SLC35B4: variants seen among roughly 807,000 people sequenced by gnomAD.
The protein encoded by SLC35B4 is nucleotide sugar transporter SLC35B4.
SLC35B4 carries 28 observed loss-of-function variants against 39.5 expected under a neutral mutation model. That is an observed-to-expected ratio of 0.71 (90% CI 0.53 to 0.97). The LOEUF (loss-of-function observed/expected upper bound fraction) is 0.97, where lower values mean the gene tolerates loss of function less well. SLC35B4 is among the 50% of genes least tolerant of loss of function. SLC35B4 has a pLI of 0.00. For missense variants in SLC35B4, 334 were observed against 414.3 expected (o/e 0.81, Z 1.68); for synonymous variants, 145 against 150.4 (o/e 0.96, Z 0.26).
intron 7 of SLC35B4, 39 bp downstream of exon 7, chr7:134,300,111 CTT>C: frequency 7.3e-7 from 1 of 1,370,042 alleles, no homozygotes; most frequent in South Asian, 1.2e-5. Context: ...CATTTTACAA[CTT>C]AGGAATTTTC....
chr7:134,309,347 A>C lies in SLC35B4; in HGVS notation c.191+19T>G, dbSNP rs1312296004. 4 of 1,515,764 alleles carry C rather than the reference A, an allele frequency of 2.6e-6. No homozygotes were observed. The highest frequency in any genetic ancestry group is 2.7e-6 in the Non-Finnish European group (3 of 1,116,838). The allele number at this position is 1,515,764 out of a possible 1,614,324, so 93.9% of individuals were successfully genotyped here. On this transcript the variant is annotated intron_variant, in intron 2 of 9. Coordinates refer to ENST00000378509, the MANE Select transcript of SLC35B4 (RefSeq NM_032826.5). ...TCTTAAAAAATCCAAAAGCTAAAAG[A>C]GACTCTAATGTACCATACCTTATTG...
chr7:134,319,255 C>T (rs767891770), upstream of SLC35B4, among the ~76,000 whole-genome samples: 43 of 152,312 alleles, frequency 2.8e-4, no homozygotes, highest in Non-Finnish European at 4.7e-4. Flanking sequence ...CTGATCAATG[C>T]CAGGGTATTA....
chr7:134,301,391 G>A (rs1585637397), intron 6 of SLC35B4, among the ~76,000 whole-genome samples: 2 of 152,278 alleles, frequency 1.3e-5, no homozygotes, highest in South Asian at 4.1e-4. Context: ...GAGTCCCTCG[G>A]AAATTTAAAG....
In SLC35B4 at chr7:134,290,836, T is replaced by C. The variant is rs1803316081; in HGVS notation, c.*3997A>G. 5 of 152,188 alleles carry C rather than the reference T, an allele frequency of 3.3e-5. No homozygotes were observed. 9.4% of individuals were successfully genotyped at this position (152,188 alleles called of 1,614,324 possible). ...AAGGGTGGAATGACTTATAATGCTA[T>C]TTACTCCAGGCAAAGAGAAAATACA... is the stretch of plus-strand genomic sequence containing the variant. On this transcript the variant is annotated 3_prime_UTR_variant, in exon 10 of 10. Transcript: ENST00000378509.
chr7:134,293,632 C>T lies in SLC35B4; in HGVS notation c.*1201G>A, dbSNP rs1235975396. 2 of 152,148 alleles carry T rather than the reference C, an allele frequency of 1.3e-5. No individual in the cohort carries two copies. The highest frequency in any genetic ancestry group is 3.9e-4 in the East Asian group (2 of 5,170). The allele number at this position is 152,148 out of a possible 1,614,324, so 9.4% of individuals were successfully genotyped here. ...AGAGGGGAATCTCCTGGTGGTGAAG[C>T]CTTATCCTCCCACTTGAGACCCACC... On this transcript the variant is annotated 3_prime_UTR_variant, in exon 10 of 10. Transcript: ENST00000378509.
chr7:134,302,566 C>T (rs1803608576), intron 4 of SLC35B4, among the ~76,000 whole-genome samples: 1 of 152,110 alleles, frequency 6.6e-6, no homozygotes, highest in Non-Finnish European at 1.5e-5. Context: ...GAAAATAATC[C>T]AATCATCCAT....
In SLC35B4 at chr7:134,316,760, C is replaced by G. The variant is rs1284431279; in HGVS notation, c.-9G>C. The stretch of plus-strand genomic sequence containing the variant: ...GCCAAGGCCGGGCGCATGGCCGGTG[C>G]AGGGTTGGGGAAGCAAGCGCACAGA... On this transcript the variant is annotated 5_prime_UTR_variant, in exon 1 of 10. Transcript: ENST00000378509. 1 of 1,546,516 alleles carries G rather than the reference C, an allele frequency of 6.5e-7. No homozygotes were observed. Among genetic ancestry groups the G allele is most frequent in the East Asian group, 2.4e-5 (1 of 40,912 alleles).
rs1320458427 is a variant in SLC35B4, at chr7:134,293,513, C to T, written c.*1320G>A. 4 of 152,226 alleles carry T rather than the reference C, an allele frequency of 2.6e-5. No homozygotes were observed. Among genetic ancestry groups the T allele is most frequent in the African/African-American group, 9.6e-5 (4 of 41,456 alleles). 9.4% of individuals were successfully genotyped at this position (152,226 alleles called of 1,614,324 possible). Reference sequence around the variant, plus strand: ...TAGGACAATAACAACTTTCAATTGTCGTTGAGGTTTGACCTGATTTACACA... The same window carrying T: ...TAGGACAATAACAACTTTCAATTGTTGTTGAGGTTTGACCTGATTTACACA... On this transcript the variant is annotated 3_prime_UTR_variant, in exon 10 of 10. Coordinates refer to ENST00000378509, the MANE Select transcript of SLC35B4 (RefSeq NM_032826.5).
rs1309686655 is a variant in SLC35B4, at chr7:134,292,841, C to A, written c.*1992G>T. The A allele has an allele frequency of 6.6e-6, 1 of 152,084 alleles. No homozygotes were observed. The highest frequency in any genetic ancestry group is 1.5e-5 in the Non-Finnish European group (1 of 68,018). The allele number at this position is 152,084 out of a possible 1,614,324, so 9.4% of individuals were successfully genotyped here. ...CTAATTCAGCATCCTTCAGAAGAGC[C>A]CATTACTGGCTCTAGAAAGCTGTCA... On this transcript the variant is annotated 3_prime_UTR_variant, in exon 10 of 10. Coordinates refer to ENST00000378509, the MANE Select transcript of SLC35B4 (RefSeq NM_032826.5).
upstream of SLC35B4, among the ~76,000 whole-genome samples, chr7:134,319,359 A>G (rs576535741): frequency 6.2e-4 from 94 of 152,332 alleles, 1 homozygote; most frequent in Middle Eastern, 3.4e-3. Flanking sequence ...GCTTTTTACA[A>G]TGAAAACCCA....
intron 9 of SLC35B4, among the ~76,000 whole-genome samples, chr7:134,295,738 C>T (rs1803452225): frequency 6.6e-6 from 1 of 152,016 alleles, no homozygotes; most frequent in South Asian, 2.1e-4. Flanking sequence ...AAATTTCTTT[C>T]AGGACTTTGC....
chr7:134,311,814 G>A (rs886465645), intron 1 of SLC35B4, among the ~76,000 whole-genome samples: 5 of 152,178 alleles, frequency 3.3e-5, no homozygotes, highest in Non-Finnish European at 7.3e-5. Flanking sequence ...ACCAGTCAAG[G>A]TGCAGGGAAA....
At chr7:134,299,467 C>A in intron 8 of SLC35B4, 56 bp downstream of exon 8, 1 of 1,423,190 alleles carries the variant, frequency 7.0e-7, no homozygotes, top group Non-Finnish European at 9.9e-7. Flanking sequence ...AAGAGTAAAA[C>A]TGAGACTCTG....
rs374089663 is a variant in SLC35B4, at chr7:134,311,454, G to A, written c.78-1975C>T. On this transcript the variant is annotated intron_variant, in intron 1 of 9. Coordinates refer to ENST00000378509, the MANE Select transcript of SLC35B4 (RefSeq NM_032826.5). The stretch of plus-strand genomic sequence containing the variant: ...GTGGATCACCTGAGGTCAGGAGTTC[G>A]AGACCAGCTTGGCCAACATGGTGAA... Among the ~76,000 whole-genome samples, 16 of 152,268 alleles carry A rather than the reference G, an allele frequency of 1.1e-4. 1 individual carries two copies. In the East Asian group the frequency reaches 1.7e-3, roughly 17 times the overall value.
chr7:134,318,054 A>G (rs1804030745), upstream of SLC35B4, among the ~76,000 whole-genome samples: 1 of 148,480 alleles, frequency 6.7e-6, no homozygotes, highest in African/African-American at 2.5e-5. Flanking sequence ...CCTGTGAGAC[A>G]CGAACATTCT....
chr7:134,289,643 T>C lies in SLC35B4; in HGVS notation c.*5190A>G, dbSNP rs906867768. ...AAAATCATCATCTTTTTTTGGAGAA[T>C]GAGGCCATTCTCTGGAATGAAAGCA... On this transcript the variant is annotated 3_prime_UTR_variant, in exon 10 of 10. Coordinates refer to ENST00000378509, the MANE Select transcript of SLC35B4 (RefSeq NM_032826.5). 3.3e-5 allele frequency: 5 copies of C among 152,582 alleles called. No homozygotes were observed. 9.5% of individuals were successfully genotyped at this position (152,582 alleles called of 1,614,324 possible). A position where few individuals can be genotyped will look rare whatever the true frequency, so the allele number is the denominator to read the frequency against.
At chr7:134,318,466 TAC>T (rs560147523), upstream of SLC35B4, among the ~76,000 whole-genome samples, 8 of 114,960 alleles carry the variant, frequency 7.0e-5, no homozygotes, top group East Asian at 1.3e-3. Context: ...TACACATATA[TAC>T]ACACACACAT....
intron 8 of SLC35B4, among the ~76,000 whole-genome samples, chr7:134,298,313 G>T (rs1481027276): frequency 6.6e-6 from 1 of 152,126 alleles, no homozygotes; most frequent in African/African-American, 2.4e-5. Flanking sequence ...ATCTCTGAAG[G>T]AAAGAGACAA....
intron 2 of SLC35B4, among the ~76,000 whole-genome samples, 167 bp from the exon 3 acceptor site, chr7:134,306,941 T>C (rs1803723944): frequency 1.3e-5 from 2 of 152,214 alleles, no homozygotes; most frequent in Non-Finnish European, 2.9e-5. Flanking sequence ...ATCAAAACGC[T>C]TCACAAAGCC....
Sources: allele counts gnomAD v4.1 joint callset (sites outside exome capture counted in the v4.1 genomes callset), GRCh38; gene constraint gnomAD v4.1.1; transcripts MANE v1.5; gene names NCBI Gene and HGNC (gene_info 2026-07-23, HGNC 2026-07-21).